The following SH3TC1 variants were observed in gnomAD, a reference collection of about 807,000 sequenced individuals.
The protein encoded by SH3TC1 is SH3 domain and tetratricopeptide repeat-containing protein 1.
A neutral mutation model predicts 117.3 loss-of-function variants in SH3TC1; 135 were observed. The ratio of observed to expected loss-of-function variants is 1.15; its 90% CI spans 1.00 to 1.33. The LOEUF is 1.33. SH3TC1 is among the 40% of genes most tolerant of loss of function. The probability of loss-of-function intolerance (pLI) is 0.00; values close to 1 mark genes in which losing one functional copy is unlikely to be tolerated. For missense variants in SH3TC1, 2,092 were observed against 1,794.3 expected, an observed-to-expected ratio of 1.17 and a Z score of -3.00; for synonymous variants, 898 against 816.9, an observed-to-expected ratio of 1.10 and a Z score of -1.69.
At chr4:8,215,663 A>G (rs1005778877) in intron 5 of SH3TC1, among the ~76,000 whole-genome samples, 4 of 152,114 alleles carry the variant, frequency 2.6e-5, no homozygotes, top group African/African-American at 9.7e-5. Flanking sequence ...CCCAGACGAG[A>G]GGGGGGAGCT....
rs1720538965 is a variant in SH3TC1, at chr4:8,227,183, G to A, written c.1489G>A (p.Glu497Lys). The part of the protein sequence containing the change: ...LEAEDDWEDP[E>K]ALSSLLLFLN... ...AGCCGAGGACGACTGGGAGGACCCAGAGGCCCTGAGCTCACTGCTGCTGTT... is the reference window on the plus strand; with the variant it reads ...AGCCGAGGACGACTGGGAGGACCCAAAGGCCCTGAGCTCACTGCTGCTGTT... Residue 497 changes from glutamate (E) to lysine (K), a missense_variant, in exon 12 of 18, where the codon GAG (glutamate) becomes AAG (lysine). By Grantham distance (56) the Glu-to-Lys change is moderately conservative. Transcript: ENST00000245105. 10 of 1,592,214 alleles carry A rather than the reference G, an allele frequency of 6.3e-6. No individual in the cohort carries two copies. The highest frequency in any genetic ancestry group is 8.6e-6 in the Non-Finnish European group (10 of 1,169,122).
chr4:8,207,098 T>G (rs77541023), intron 2 of SH3TC1, among the ~76,000 whole-genome samples: 3,677 of 138,072 alleles, frequency 0.027, 97 homozygotes, highest in African/African-American at 0.077. Context: ...AAAAAAAAAA[T>G]TCCTGGGTCA....
In SH3TC1 at chr4:8,233,510, C is replaced by T. The variant is rs562459970; in HGVS notation, c.3279C>T (p.Ile1093=). The T allele has an allele frequency of 6.2e-7, 1 of 1,608,336 alleles. No individual in the cohort carries two copies. Among genetic ancestry groups the T allele is most frequent in the South Asian group, 1.1e-5 (1 of 90,052 alleles). ...AGAGCGAGCTGGTGGACCTCTACAT[C>T]CAGGTGAGTGATGAGGGATGCAGGA... ...LRQSELVDLY[I]QVAQNVALYT... The change falls in exon 14 of 18, where the codon ATC becomes ATT. Residue 1093 remains isoleucine (I), a synonymous_variant. Coordinates refer to ENST00000245105, the MANE Select transcript of SH3TC1 (RefSeq NM_018986.5).
chr4:8,237,878 C>T (rs913315264), intron 17 of SH3TC1, among the ~76,000 whole-genome samples: 20 of 152,154 alleles, frequency 1.3e-4, no homozygotes, highest in African/African-American at 4.3e-4. Flanking sequence ...AACTCAGCCT[C>T]AGCCAGGGAG....
At chr4:8,216,884 A>AG in intron 6 of SH3TC1, 73 bp from the exon 7 acceptor site, 3 of 1,491,444 alleles carry the variant, frequency 2.0e-6, no homozygotes, top group Non-Finnish European at 1.9e-6. Context: ...TCTGTCCGGC[A>AG]GGGGTGTGGG....
intron 9 of SH3TC1, among the ~76,000 whole-genome samples, chr4:8,221,704 C>T (rs541144364): frequency 1.3e-5 from 2 of 152,270 alleles, no homozygotes; most frequent in East Asian, 1.9e-4. Flanking sequence ...TACATAACTA[C>T]AGTACAACTG....
intron 14 of SH3TC1, among the ~76,000 whole-genome samples, chr4:8,234,178 TCCA>T (rs1721573868): frequency 8.8e-6 from 1 of 114,186 alleles, no homozygotes; most frequent in African/African-American, 2.9e-5. Flanking sequence ...CATCCATCCA[TCCA>T]TCATCCATCC....
chr4:8,228,263 G>GA lies in SH3TC1; in HGVS notation c.2569_2570insA (p.Ala857AspfsTer28). 1 of 1,612,138 alleles carries GA rather than the reference G, an allele frequency of 6.2e-7. No homozygotes were observed. The highest frequency in any genetic ancestry group is 8.5e-7 in the Non-Finnish European group (1 of 1,179,658). ...GCAGTCTGTCCGGGATGCAGTGGTG[G>GA]CCAGCGAGGACCAGGAGGGCGTGAT... is the stretch of plus-strand genomic sequence containing the variant. On this transcript the variant is annotated frameshift_variant, in exon 12 of 18. Coordinates refer to ENST00000245105, the MANE Select transcript of SH3TC1 (RefSeq NM_018986.5). LOFTEE classifies it high-confidence loss of function.
rs1354532360 is a variant in SH3TC1, at chr4:8,206,614, G to A, written c.172+1248G>A. Among the ~76,000 whole-genome samples, 1 of 152,050 alleles carries A rather than the reference G, an allele frequency of 6.6e-6. No individual in the cohort carries two copies. Among genetic ancestry groups the A allele is most frequent in the Non-Finnish European group, 1.5e-5 (1 of 68,006 alleles). On this transcript the variant is annotated intron_variant, in intron 2 of 17. Coordinates refer to ENST00000245105, the MANE Select transcript of SH3TC1 (RefSeq NM_018986.5). This position sits in a 1 kb window ranked among gnomAD's most constrained non-coding sequence, Gnocchi z 5.5. ...GCCTCTCCCTGGAGTGAATCTCTGT[G>A]GACCGAGCGGAGGGGAGCTGAGGAA...
chr4:8,190,297 T>C lies in SH3TC1; in HGVS notation c.-57+8087T>C, dbSNP rs1449242140. On this transcript the variant is annotated intron_variant, in intron 1 of 16. Coordinates refer to the SH3TC1 transcript ENST00000508641. The surrounding 1 kb of genome is among the most constrained non-coding windows in gnomAD (Gnocchi z 4.7). Reference sequence around the variant, plus strand: ...GGAGGACTTCACTCCTTCGGCGGAGTTGGGGGACTGTGTGCTTGGGTTGGG... The same window carrying C: ...GGAGGACTTCACTCCTTCGGCGGAGCTGGGGGACTGTGTGCTTGGGTTGGG... 1.3e-5 allele frequency among the ~76,000 whole-genome samples: 2 copies of C among 151,990 alleles called. No individual in the cohort carries two copies. The highest frequency in any genetic ancestry group is 6.5e-5 in the Admixed American group (1 of 15,270).
chr4:8,223,842 C>T (rs1720182744), intron 10 of SH3TC1, among the ~76,000 whole-genome samples: 1 of 152,086 alleles, frequency 6.6e-6, no homozygotes, highest in Non-Finnish European at 1.5e-5. Flanking sequence ...GCCATGTTGG[C>T]CAGGCTGTTC....
chr4:8,205,794 G>C lies in SH3TC1; in HGVS notation c.172+428G>C, dbSNP rs1718157790. 4 of 616,954 alleles carry C rather than the reference G, an allele frequency of 6.5e-6. No individual in the cohort carries two copies. The highest frequency in any genetic ancestry group is 1.8e-5 in the African/African-American group (1 of 54,328). 38.2% of individuals were successfully genotyped at this position (616,954 alleles called of 1,614,324 possible). On this transcript the variant is annotated intron_variant, in intron 2 of 17. Transcript: ENST00000245105. This position sits in a 1 kb window ranked among gnomAD's most constrained non-coding sequence, Gnocchi z 5.4. Reference sequence around the variant, plus strand: ...CCGGGCCAGGCCACCCTGTGGTCAGGGGCCGGGCCAGGACGTGTGCCCAGT... The same window carrying C: ...CCGGGCCAGGCCACCCTGTGGTCAGCGGCCGGGCCAGGACGTGTGCCCAGT...
At chr4:8,215,722 A>G (rs576581575) in intron 5 of SH3TC1, among the ~76,000 whole-genome samples, 291 of 152,284 alleles carry the variant, frequency 1.9e-3, no homozygotes, top group Middle Eastern at 6.8e-3. Flanking sequence ...GGAAACAGAT[A>G]CCAGCTCATG....
rs911586218 is a variant in SH3TC1, at chr4:8,192,374, C to T, written c.-57+10164C>T. 3.9e-5 allele frequency among the ~76,000 whole-genome samples: 6 copies of T among 152,106 alleles called. No individual in the cohort carries two copies. The highest frequency in any genetic ancestry group is 8.8e-5 in the Non-Finnish European group (6 of 68,014). ...TGTGACCTTGGGTAAAGGTCATTTT[C>T]GCCCTGCCCCTCAGTCTCCCCATTT... On this transcript the variant is annotated intron_variant, in intron 1 of 16. Coordinates refer to the SH3TC1 transcript ENST00000508641. The surrounding 1 kb of genome is among the most constrained non-coding windows in gnomAD (Gnocchi z 4.1).
At chr4:8,208,142 T>G (rs141322199) in intron 2 of SH3TC1, among the ~76,000 whole-genome samples, 1 of 152,366 alleles carries the variant, frequency 6.6e-6, no homozygotes, top group East Asian at 1.9e-4. Flanking sequence ...AGGATCTGCA[T>G]GGCCTGCATT....
chr4:8,232,037 CCA>C lies in SH3TC1; in HGVS notation c.3013_3014del (p.Gln1005ValfsTer6). 1 of 1,613,358 alleles carries C rather than the reference CCA, an allele frequency of 6.2e-7. No homozygotes were observed. On this transcript the variant is annotated frameshift_variant, in exon 13 of 18. Transcript: ENST00000245105. LOFTEE classifies it high-confidence loss of function. ...FYSAVMPSEA[Q>X]CVIYHELQLS... ...ACAGCGCCGTCATGCCCAGCGAGGC[CCA>C]GTGTGTCATCTACCATGAGCTCCAG...
intron 10 of SH3TC1, among the ~76,000 whole-genome samples, chr4:8,223,755 C>A (rs1379392454): frequency 6.6e-6 from 1 of 151,966 alleles, no homozygotes; most frequent in Non-Finnish European, 1.5e-5. Flanking sequence ...GTCTCAGCCT[C>A]CCAAGTAGCT....
intron 1 of SH3TC1, chr4:8,201,351 CG>C (rs1717826289): frequency 6.6e-6 from 1 of 152,328 alleles, no homozygotes; most frequent in Non-Finnish European, 1.5e-5. Context: ...TCCCAGACAC[CG>C]GGGTTTGGCC....
intron 8 of SH3TC1, among the ~76,000 whole-genome samples, chr4:8,218,881 C>T (rs1719602179): frequency 6.6e-6 from 1 of 152,106 alleles, no homozygotes; most frequent in South Asian, 2.1e-4. Flanking sequence ...TGGCAAGCTG[C>T]CGGTGTCTGG....
Sources: gnomAD v4.1 joint callset for allele counts (sites outside exome capture counted in the v4.1 genomes callset) on GRCh38, gnomAD v4.1.1 for gene constraint, Gnocchi (gnomAD v3.1) non-coding constraint, MANE v1.5 for transcripts, NCBI Gene and HGNC (gene_info 2026-07-23, HGNC 2026-07-21) for gene names.